The following ANK3 variants were observed in gnomAD, a reference collection of about 807,000 sequenced individuals.
The protein encoded by ANK3 is ankyrin-3.
A neutral mutation model predicts 370.9 loss-of-function variants in ANK3; 57 were observed. That is an observed-to-expected ratio of 0.15 (90% CI 0.12 to 0.19). The LOEUF is 0.19. Ranked by LOEUF, ANK3 falls within the 10% of genes least tolerant of loss-of-function variation. The probability of loss-of-function intolerance (pLI) is 1.00; values close to 1 mark genes in which losing one functional copy is unlikely to be tolerated. For missense variants in ANK3, 4,439 were observed against 5,302.1 expected (o/e 0.84, Z 5.06); for synonymous variants, 1,929 against 1,946.3 (o/e 0.99, Z 0.23).
At chr10:60,311,769 G>T (rs2046407078) in intron 1 of ANK3, among the ~76,000 whole-genome samples, 1 of 152,122 alleles carries the variant, frequency 6.6e-6, no homozygotes, top group South Asian at 2.1e-4. Context: ...ATCTTTCAAG[G>T]CTGCTTTCTT....
At position 60,121,378 on chromosome 10, in the gene ANK3, C is replaced by CAA. The variant is rs201473806; in HGVS notation, c.2842-7049_2842-7048dup. The stretch of plus-strand genomic sequence containing the variant: ...GGTAGTGGGAATGGTTAAAATGCAC[C>CAA]AAAAAAAAAAAAAAAAAGGAAGAAT... On this transcript the variant is annotated intron_variant, in intron 25 of 43. Transcript: ENST00000280772. 1.7e-3 allele frequency among the ~76,000 whole-genome samples: 225 copies of CAA among 135,476 alleles called. 1 individual carries two copies. The highest frequency in any genetic ancestry group is 6.0e-3 in the African/African-American group (213 of 35,702). 88.9% of individuals were successfully genotyped at this position (135,476 alleles called of 152,430 possible).
intron 21 of ANK3, among the ~76,000 whole-genome samples, chr10:60,171,109 G>T (rs1366702721): frequency 6.6e-6 from 1 of 151,968 alleles, no homozygotes; most frequent in Non-Finnish European, 1.5e-5. Flanking sequence ...CTTTTTTTGA[G>T]AACTTAATGA....
At chr10:60,610,294 C>T (rs1189814850) in intron 2 of ANK3, among the ~76,000 whole-genome samples, 1 of 151,964 alleles carries the variant, frequency 6.6e-6, no homozygotes, top group Non-Finnish European at 1.5e-5. Context: ...AGCAGATCAC[C>T]TGGGGTCAGG....
chr10:60,490,384 A>C (rs892043798), intron 2 of ANK3, among the ~76,000 whole-genome samples: 1 of 152,146 alleles, frequency 6.6e-6, no homozygotes, highest in Non-Finnish European at 1.5e-5. Flanking sequence ...TTTGACGACC[A>C]CTGCTCCGCA....
At chr10:60,407,074 A>T (rs1042981689) in intron 2 of ANK3, among the ~76,000 whole-genome samples, 2 of 152,214 alleles carry the variant, frequency 1.3e-5, no homozygotes, top group African/African-American at 4.8e-5. Flanking sequence ...ATTCATTGAG[A>T]AGCCTGCAGA....
chr10:60,395,377 A>T (rs2063195825), intron 2 of ANK3, among the ~76,000 whole-genome samples: 1 of 152,220 alleles, frequency 6.6e-6, no homozygotes, highest in Non-Finnish European at 1.5e-5. Context: ...TGGTTATTCG[A>T]AATGTGAAAT....
intron 2 of ANK3, among the ~76,000 whole-genome samples, chr10:60,489,887 T>A (rs548922652): frequency 6.6e-6 from 1 of 152,230 alleles, no homozygotes; most frequent in Non-Finnish European, 1.5e-5. Flanking sequence ...TATGCTCATA[T>A]GTACTGAACA....
At chr10:60,396,578 C>A (rs973716404) in intron 2 of ANK3, among the ~76,000 whole-genome samples, 6 of 152,104 alleles carry the variant, frequency 3.9e-5, no homozygotes, top group African/African-American at 1.2e-4. Flanking sequence ...TAAAGTATAA[C>A]CACTGAGTAA....
At chr10:60,420,923 A>G (rs2063764964) in intron 2 of ANK3, among the ~76,000 whole-genome samples, 1 of 152,150 alleles carries the variant, frequency 6.6e-6, no homozygotes, top group South Asian at 2.1e-4. Flanking sequence ...ATAGCATTAT[A>G]CACAATAGCC....
At chr10:60,136,053 C>A (rs1239733120) in intron 24 of ANK3, among the ~76,000 whole-genome samples, 1 of 151,752 alleles carries the variant, frequency 6.6e-6, no homozygotes, top group Non-Finnish European at 1.5e-5. Flanking sequence ...CTTGCACAGT[C>A]AGGCCCTCTG....
At chr10:60,320,412 G>A (rs1404796468) in intron 1 of ANK3, among the ~76,000 whole-genome samples, 1 of 152,194 alleles carries the variant, frequency 6.6e-6, no homozygotes, top group Non-Finnish European at 1.5e-5. Context: ...TGGCCAACAT[G>A]GTGAAACGCT....
At position 60,566,997 on chromosome 10, in the gene ANK3, G is replaced by T. The variant is rs530861689; in HGVS notation, c.96+48189C>A. 3.3e-5 allele frequency among the ~76,000 whole-genome samples: 5 copies of T among 152,330 alleles called. No individual in the cohort carries two copies. The South Asian group carries it at 1.0e-3, about 32-fold the overall frequency. ...AAAAGAAAAGTTTGAAGCTAGTAGA[G>T]GTTGATTCAAGAGGTTTAAGGAAAG... is the stretch of plus-strand genomic sequence containing the variant. On this transcript the variant is annotated intron_variant, in intron 2 of 43. Coordinates refer to the ANK3 transcript ENST00000373827.
chr10:60,035,880 T>C lies in ANK3; in HGVS notation c.*20-6054A>G, dbSNP rs539026288. 3.3e-5 allele frequency among the ~76,000 whole-genome samples: 5 copies of C among 151,396 alleles called. No homozygotes were observed. The East Asian group carries it at 7.8e-4, about 24-fold the overall frequency. On this transcript the variant is annotated intron_variant, in intron 43 of 43. Coordinates refer to ENST00000280772, the MANE Select transcript of ANK3 (RefSeq NM_020987.5). ...TTATTTCTTAAAATAAAAAATATTA[T>C]ATATTTTTAAGAAAAATAAAAAATA...
At chr10:60,111,933 G>A (rs2092742590) in intron 26 of ANK3, among the ~76,000 whole-genome samples, 1 of 152,162 alleles carries the variant, frequency 6.6e-6, no homozygotes, top group East Asian at 1.9e-4. Context: ...GCCTTATGTA[G>A]CTGCATAAAC....
In ANK3 at chr10:60,075,244, A is replaced by G. The variant is rs1481212847; in HGVS notation, c.5637T>C (p.Ser1879=). 6.2e-7 allele frequency: 1 copy of G among 1,614,202 alleles called. No homozygotes were observed. Among genetic ancestry groups the G allele is most frequent in the East Asian group, 2.2e-5 (1 of 44,886 alleles). The change falls in exon 37 of 44, where the codon TCT becomes TCC. Residue 1879 remains serine (S), a synonymous_variant. Coordinates refer to ENST00000280772, the MANE Select transcript of ANK3 (RefSeq NM_020987.5). ...TAAGGGCAGAGGGTGCAAGGAACAA[A>G]GATGACTTAACTGGAGATGAAGTTC... The part of the protein sequence containing the change: ...FSRTSSPVKS[S]LFLAPSALKL...
rs140848534 is a variant in ANK3, at chr10:60,332,769, C to T, written c.115-53130G>A. On this transcript the variant is annotated intron_variant, in intron 1 of 43. Coordinates refer to ENST00000280772, the MANE Select transcript of ANK3 (RefSeq NM_020987.5). The stretch of plus-strand genomic sequence containing the variant: ...TCAGTATATTTTGATGGCTCTGTTC[C>T]GCCTCTGAAATTGCTGCTATGTGGT... 2.0e-3 allele frequency among the ~76,000 whole-genome samples: 312 copies of T among 152,238 alleles called. 2 individuals are homozygous for T. Among genetic ancestry groups the T allele is most frequent in the Middle Eastern group, 0.017 (5 of 294 alleles).
intron 2 of ANK3, among the ~76,000 whole-genome samples, chr10:60,488,807 G>A (rs555364019): frequency 6.6e-6 from 1 of 152,308 alleles, no homozygotes; most frequent in African/African-American, 2.4e-5. Flanking sequence ...TAGAAAAGAT[G>A]AGTCTTGATA....
At position 60,208,018 on chromosome 10, in the gene ANK3, G is replaced by A. The variant is rs768359843; in HGVS notation, c.1194+18C>T. On this transcript the variant is annotated intron_variant, in intron 10 of 43. Coordinates refer to ENST00000280772, the MANE Select transcript of ANK3 (RefSeq NM_020987.5). ...GAGCAAGACAACTGAGGCTGGACTC[G>A]CTGGTTGAGCCACTCACCAGGGCTT... 1.2e-5 allele frequency: 20 copies of A among 1,609,992 alleles called. No homozygotes were observed. Among genetic ancestry groups the A allele is most frequent in the South Asian group, 2.2e-5 (2 of 90,942 alleles).
At chr10:60,384,315 A>G (rs1325598431) in intron 1 of ANK3, among the ~76,000 whole-genome samples, 1 of 152,194 alleles carries the variant, frequency 6.6e-6, no homozygotes, top group Non-Finnish European at 1.5e-5. Context: ...GAATCTTAAG[A>G]AAAAACATTA....
Sources: allele counts gnomAD v4.1 joint callset (sites outside exome capture counted in the v4.1 genomes callset), GRCh38; gene constraint gnomAD v4.1.1; transcripts MANE v1.5; gene names NCBI Gene and HGNC (gene_info 2026-07-23, HGNC 2026-07-21).